The following ZEB1 variants were observed in gnomAD, a reference collection of about 807,000 sequenced individuals.
ZEB1 encodes the protein zinc finger E-box binding homeobox 1, also known as zinc finger E-box-binding homeobox 1.
A neutral mutation model predicts 84.9 loss-of-function variants in ZEB1; 21 were observed. That is an observed-to-expected ratio of 0.25 (90% CI 0.18 to 0.36). The LOEUF is 0.36. Ranked by LOEUF, ZEB1 falls within the 10% of genes least tolerant of loss-of-function variation. The pLI, the probability that ZEB1 is intolerant of heterozygous loss-of-function variation, is 1.00. For synonymous variants in ZEB1, 420 were observed against 471.1 expected (o/e 0.89, Z 1.41); for missense variants, 1,104 against 1,330.2 (o/e 0.83, Z 2.65).
chr10:31,323,947 A>G (rs1161490934), intron 1 of ZEB1, among the ~76,000 whole-genome samples: 1 of 148,582 alleles, frequency 6.7e-6, no homozygotes, highest in African/African-American at 2.5e-5. Flanking sequence ...TTCTTATTTT[A>G]GGATGTCATG....
chr10:31,449,946 A>G (rs1452736218), intron 1 of ZEB1, among the ~76,000 whole-genome samples: 1 of 152,232 alleles, frequency 6.6e-6, no homozygotes, highest in Non-Finnish European at 1.5e-5. Flanking sequence ...GGAAACTGAG[A>G]CATTAGAAGA....
rs2071997679 is a variant in ZEB1 at position 31,520,187 on chromosome 10, C to T, written c.855C>T (p.Ser285=). 1.2e-6 allele frequency: 2 copies of T among 1,613,944 alleles called. No individual in the cohort carries two copies. Among genetic ancestry groups the T allele is most frequent in the African/African-American group, 1.3e-5 (1 of 75,028 alleles). ...GCTTTTCCCATTCTGGCTCCTATAG[C>T]TCACACATAAGCAGTAAGAAATGTA... ...KKRFSHSGSY[S]SHISSKKCIS... Residue 285 remains serine (S), a synonymous_variant, in exon 7 of 9, where the codon AGC becomes AGT. Coordinates refer to ENST00000424869, the MANE Select transcript of ZEB1 (RefSeq NM_001174096.2). This position sits in a 1 kb window ranked among gnomAD's most constrained non-coding sequence, Gnocchi z 5.1.
intron 1 of ZEB1, among the ~76,000 whole-genome samples, chr10:31,348,095 G>A (rs1460973760): frequency 3.3e-5 from 5 of 152,102 alleles, no homozygotes; most frequent in Non-Finnish European, 7.3e-5. Context: ...CTATTCTACT[G>A]GCCTTAATTC....
intron 1 of ZEB1, among the ~76,000 whole-genome samples, chr10:31,393,026 G>A (rs543349190): frequency 5.9e-5 from 9 of 151,954 alleles, no homozygotes; most frequent in Non-Finnish European, 1.5e-5. Context: ...TTGTTGAGAC[G>A]GGGGTCTCAT....
chr10:31,464,870 T>G (rs1439419742), intron 2 of ZEB1, among the ~76,000 whole-genome samples: 1 of 152,106 alleles, frequency 6.6e-6, no homozygotes, highest in Non-Finnish European at 1.5e-5. Flanking sequence ...TAAGAAAAAC[T>G]GAAGGCAGTT....
intron 1 of ZEB1, among the ~76,000 whole-genome samples, chr10:31,335,759 A>G (rs1347813063): frequency 1.3e-5 from 2 of 152,186 alleles, no homozygotes. Flanking sequence ...ACATTGTACT[A>G]GAAGTATAGC....
intron 1 of ZEB1, among the ~76,000 whole-genome samples, chr10:31,377,154 A>T (rs1354228498): frequency 6.8e-6 from 1 of 147,346 alleles, no homozygotes; most frequent in Non-Finnish European, 1.5e-5. Flanking sequence ...AGAGAAAATT[A>T]TTTCAGTACT....
chr10:31,448,748 C>G (rs1242165325), intron 1 of ZEB1, among the ~76,000 whole-genome samples: 1 of 152,164 alleles, frequency 6.6e-6, no homozygotes, highest in Non-Finnish European at 1.5e-5. Context: ...CAGGGACCCA[C>G]TTGAGGAGGC....
intron 7 of ZEB1, among the ~76,000 whole-genome samples, chr10:31,523,163 G>A (rs996418713): frequency 5.9e-5 from 9 of 152,176 alleles, no homozygotes; most frequent in African/African-American, 1.9e-4. Flanking sequence ...AGGCAATGGC[G>A]TGGAACACTC....
In ZEB1 at chr10:31,528,872, T is replaced by A. The variant is rs1834633342; in HGVS notation, c.*1608T>A. The A allele has an allele frequency of 6.6e-6, 1 of 152,190 alleles. No individual in the cohort carries two copies. Among genetic ancestry groups the A allele is most frequent in the Non-Finnish European group, 1.5e-5 (1 of 68,020 alleles). The allele number at this position is 152,190 out of a possible 1,614,324, so 9.4% of individuals were successfully genotyped here. On this transcript the variant is annotated 3_prime_UTR_variant, in exon 9 of 9. Coordinates refer to ENST00000424869, the MANE Select transcript of ZEB1 (RefSeq NM_001174096.2). ...AATGGGAATGTATTAGTTTTACAAC[T>A]ACAATCAAGTCATTTTACCTTTACC...
chr10:31,479,480 T>C (rs1169396062), intron 2 of ZEB1, among the ~76,000 whole-genome samples: 1 of 151,852 alleles, frequency 6.6e-6, no homozygotes, highest in East Asian at 1.9e-4. Flanking sequence ...CTGGTGAAGG[T>C]AAATGCAAAA....
rs563818137 is a variant in ZEB1, at chr10:31,493,444, C to A, written c.260-2332C>A. Reference sequence around the variant, plus strand: ...TAGAATTTATACTATAAACAAAAACCTTAGGAGCATTCTAGTGTTCTTTTT... The same window carrying A: ...TAGAATTTATACTATAAACAAAAACATTAGGAGCATTCTAGTGTTCTTTTT... On this transcript the variant is annotated intron_variant, in intron 2 of 8. Transcript: ENST00000424869. 2.0e-5 allele frequency among the ~76,000 whole-genome samples: 3 copies of A among 152,002 alleles called. No individual in the cohort carries two copies. The South Asian group carries it at 6.2e-4, about 32-fold the overall frequency.
chr10:31,513,715 G>T (rs921259280), intron 5 of ZEB1, among the ~76,000 whole-genome samples: 1 of 152,170 alleles, frequency 6.6e-6, no homozygotes, highest in African/African-American at 2.4e-5. Context: ...CACAGTGAAG[G>T]AGTAAGAAAT....
At chr10:31,328,996 T>G (rs1044805212) in intron 1 of ZEB1, among the ~76,000 whole-genome samples, 1 of 148,630 alleles carries the variant, frequency 6.7e-6, no homozygotes, top group Non-Finnish European at 1.5e-5. Context: ...CATACCCTGG[T>G]GTGTGTGTGT....
At chr10:31,455,031 A>G (rs1300221309) in intron 1 of ZEB1, among the ~76,000 whole-genome samples, 1 of 152,226 alleles carries the variant, frequency 6.6e-6, no homozygotes, top group Non-Finnish European at 1.5e-5. Flanking sequence ...GGCTACAGTA[A>G]CCAAAACAGC....
chr10:31,395,260 C>T (rs1358414946), intron 1 of ZEB1, among the ~76,000 whole-genome samples: 4 of 152,122 alleles, frequency 2.6e-5, no homozygotes, highest in African/African-American at 7.2e-5. Context: ...CTGAATCTCA[C>T]GAGATACTCT....
At chr10:31,342,780 T>C (rs556500710) in intron 1 of ZEB1, among the ~76,000 whole-genome samples, 2 of 152,252 alleles carry the variant, frequency 1.3e-5, no homozygotes, top group South Asian at 4.1e-4. Flanking sequence ...CTGCATATAA[T>C]TTATTTCCCC....
chr10:31,465,654 A>AT (rs2062327720), intron 2 of ZEB1, among the ~76,000 whole-genome samples: 2 of 152,134 alleles, frequency 1.3e-5, no homozygotes, highest in Admixed American at 6.6e-5. Context: ...TTGCTGTGTC[A>AT]CCAGGGTAGA....
At chr10:31,414,787 T>G (rs1363938473) in intron 1 of ZEB1, among the ~76,000 whole-genome samples, 1 of 152,216 alleles carries the variant, frequency 6.6e-6, no homozygotes, top group South Asian at 2.1e-4. Context: ...GTCTCCTTTC[T>G]GTTTTGCAAA....
Sources: gnomAD v4.1 joint callset for allele counts (sites outside exome capture counted in the v4.1 genomes callset) on GRCh38, gnomAD v4.1.1 for gene constraint, Gnocchi (gnomAD v3.1) non-coding constraint, MANE v1.5 for transcripts, NCBI Gene and HGNC (gene_info 2026-07-23, HGNC 2026-07-21) for gene names.